PRKN: variants seen among roughly 807,000 people sequenced by gnomAD.
The protein encoded by PRKN is E3 ubiquitin-protein ligase parkin.
Under a neutral mutation model 59.5 loss-of-function variants are expected in PRKN, and 56 were observed. The observed-to-expected ratio is 0.94, with a 90% CI of 0.76 to 1.18. The LOEUF is 1.18. PRKN is among the 50% of genes most tolerant of loss of function. The pLI, the probability that PRKN is intolerant of heterozygous loss-of-function variation, is 0.00. For missense variants in PRKN, 657 were observed against 596.4 expected (o/e 1.10, Z -1.06); for synonymous variants, 250 against 222.1 (o/e 1.13, Z -1.12).
intron 7 of PRKN, among the ~76,000 whole-genome samples, chr6:161,682,741 G>T (rs976527748): frequency 1.3e-5 from 2 of 152,142 alleles, no homozygotes; most frequent in African/African-American, 4.8e-5. Flanking sequence ...GGGCCGCTCT[G>T]CAAGACGCGA....
At chr6:161,906,857 T>A (rs998806278) in intron 6 of PRKN, among the ~76,000 whole-genome samples, 1 of 151,682 alleles carries the variant, frequency 6.6e-6, no homozygotes, top group African/African-American at 2.4e-5. Context: ...TGCCAGAAAG[T>A]TTCCAGCACG....
intron 5 of PRKN, among the ~76,000 whole-genome samples, chr6:161,988,385 G>C (rs1781514667): frequency 6.6e-6 from 1 of 152,014 alleles, no homozygotes; most frequent in African/African-American, 2.4e-5. Context: ...CCACTAAGGA[G>C]GCTGAGGCAG....
Position 161,487,976 on chromosome 6 carries a change from C to T in PRKN, c.1083+60878G>A, listed in dbSNP as rs530449138. ...CTATGACTAAAACCAATGAGATTCT[C>T]CCATGAAATGGGGTGGAGAGAGGGG... On this transcript the variant is annotated intron_variant, in intron 9 of 11. Transcript: ENST00000366898. The surrounding 1 kb of genome is among the most constrained non-coding windows in gnomAD (Gnocchi z 5.3). Among the ~76,000 whole-genome samples, 2 of 152,298 alleles carry T rather than the reference C, an allele frequency of 1.3e-5. No homozygotes were observed. The highest frequency in any genetic ancestry group is 4.1e-4 in the South Asian group (2 of 4,822).
At chr6:162,523,203 T>A (rs961791575) in intron 1 of PRKN, among the ~76,000 whole-genome samples, 1 of 152,136 alleles carries the variant, frequency 6.6e-6, no homozygotes, top group South Asian at 2.1e-4. Context: ...GATGAGGCAG[T>A]GGGAATTCAC....
Position 161,361,720 on chromosome 6 carries a change from C to G in PRKN, c.1168-1515G>C, listed in dbSNP as rs1397960840. ...ACAAAGGAAACACCCTTGAGAACTG[C>G]CAGGGTGTCACGTGATTTGTGAATA... On this transcript the variant is annotated intron_variant, in intron 10 of 11. Transcript: ENST00000366898. The surrounding 1 kb of genome is among the most constrained non-coding windows in gnomAD (Gnocchi z 5.2). Among the ~76,000 whole-genome samples the G allele has an allele frequency of 6.6e-6, 1 of 152,152 alleles. No homozygotes were observed. The highest frequency in any genetic ancestry group is 1.5e-5 in the Non-Finnish European group (1 of 68,030).
At chr6:161,607,629 G>A (rs1782330744) in intron 7 of PRKN, among the ~76,000 whole-genome samples, 1 of 152,148 alleles carries the variant, frequency 6.6e-6, no homozygotes, top group Non-Finnish European at 1.5e-5. Flanking sequence ...AGAGGAATGG[G>A]AAACAGGAGA....
chr6:161,502,167 T>A lies in PRKN; in HGVS notation c.1083+46687A>T, dbSNP rs960663853. On this transcript the variant is annotated intron_variant, in intron 9 of 11. Transcript: ENST00000366898. The surrounding 1 kb of genome is among the most constrained non-coding windows in gnomAD (Gnocchi z 4.0). ...CTGATCATCATTGTTGCTAATCATG[T>A]CCATTTTGGGCCATGCACTGCACAT... Among the ~76,000 whole-genome samples the A allele has an allele frequency of 3.9e-5, 6 of 152,166 alleles. No homozygotes were observed. Among genetic ancestry groups the A allele is most frequent in the African/African-American group, 1.4e-4 (6 of 41,446 alleles).
chr6:162,311,322 A>G (rs1433027824), intron 2 of PRKN, among the ~76,000 whole-genome samples: 1 of 152,128 alleles, frequency 6.6e-6, no homozygotes, highest in Non-Finnish European at 1.5e-5. Context: ...TTAGCTCACA[A>G]TGACTTCACT....
chr6:161,512,788 T>C (rs1186224029), intron 9 of PRKN, among the ~76,000 whole-genome samples: 2 of 152,224 alleles, frequency 1.3e-5, no homozygotes, highest in African/African-American at 2.4e-5. Context: ...CTGGCCTCCC[T>C]GGTGCACACA....
rs569007345 is a variant in PRKN at position 161,929,444 on chromosome 6, A to G, written c.734+43858T>C. On this transcript the variant is annotated intron_variant, in intron 6 of 11. Transcript: ENST00000366898. ...GAAACTAGATAGAAGTGGTGCTTGC[A>G]CAGCATGGGAAAGGTACTTAATGCT... Among the ~76,000 whole-genome samples the G allele has an allele frequency of 7.9e-5, 12 of 151,954 alleles. No individual in the cohort carries two copies. The South Asian group carries it at 2.3e-3, about 29-fold the overall frequency.
intron 5 of PRKN, among the ~76,000 whole-genome samples, chr6:161,976,770 C>G (rs1015831295): frequency 6.6e-6 from 1 of 152,146 alleles, no homozygotes; most frequent in Non-Finnish European, 1.5e-5. Flanking sequence ...TCCAAAACAG[C>G]TGAGTTGGCA....
chr6:162,517,635 C>T (rs1206719917), intron 1 of PRKN, among the ~76,000 whole-genome samples: 1 of 151,978 alleles, frequency 6.6e-6, no homozygotes, highest in Non-Finnish European at 1.5e-5. Flanking sequence ...TAGATCATTG[C>T]GTCCTTGATA....
intron 4 of PRKN, among the ~76,000 whole-genome samples, chr6:162,062,400 C>T (rs891320931): frequency 1.4e-4 from 22 of 152,168 alleles, no homozygotes; most frequent in African/African-American, 4.8e-4. Flanking sequence ...GCCACATAAA[C>T]ACATAAGGGT....
At chr6:162,710,103 A>G (rs1197482145) in intron 1 of PRKN, among the ~76,000 whole-genome samples, 1 of 152,160 alleles carries the variant, frequency 6.6e-6, no homozygotes, top group Non-Finnish European at 1.5e-5. Context: ...AAGCTGACAC[A>G]GTGTCTCAAT....
At position 162,661,859 on chromosome 6, in the gene PRKN, TGCA is replaced by T. The variant is rs372027118; in HGVS notation, c.7+65800_7+65802del. 1.1e-4 allele frequency among the ~76,000 whole-genome samples: 16 copies of T among 152,336 alleles called. No individual in the cohort carries two copies. In the East Asian group the frequency reaches 3.1e-3, roughly 29 times the overall value. ...TTAAAATATATCGAGGGGATACAAG[TGCA>T]GGTTTCTTACATGCGTATACTGTGT... is the stretch of plus-strand genomic sequence containing the variant. On this transcript the variant is annotated intron_variant, in intron 1 of 11. Coordinates refer to ENST00000366898, the MANE Select transcript of PRKN (RefSeq NM_004562.3).
chr6:161,688,094 C>G (rs1387068154), intron 7 of PRKN, among the ~76,000 whole-genome samples: 2 of 152,186 alleles, frequency 1.3e-5, no homozygotes, highest in Non-Finnish European at 2.9e-5. Context: ...CCCAAACCAG[C>G]CTTCTTGTCA....
chr6:161,877,877 C>T (rs116152543), intron 6 of PRKN, among the ~76,000 whole-genome samples: 3 of 152,008 alleles, frequency 2.0e-5, no homozygotes, highest in Admixed American at 6.6e-5. Context: ...TTGTAAGGTC[C>T]CCTAAATTCC....
chr6:161,559,360 G>A (rs1007574508), intron 8 of PRKN, among the ~76,000 whole-genome samples: 1 of 152,314 alleles, frequency 6.6e-6, no homozygotes, highest in Non-Finnish European at 1.5e-5. Flanking sequence ...AGAGACTCCT[G>A]TAGACTATGG....
At chr6:162,571,779 C>A (rs1780338933) in intron 1 of PRKN, among the ~76,000 whole-genome samples, 2 of 152,042 alleles carry the variant, frequency 1.3e-5, no homozygotes, top group African/African-American at 4.8e-5. Context: ...AGGAAAGAGC[C>A]CAGAGGTGGC....
Sources: gnomAD v4.1 joint callset for allele counts (sites outside exome capture counted in the v4.1 genomes callset) on GRCh38, gnomAD v4.1.1 for gene constraint, Gnocchi (gnomAD v3.1) non-coding constraint, MANE v1.5 for transcripts, NCBI Gene and HGNC (gene_info 2026-07-23, HGNC 2026-07-21) for gene names.